RBFOX1: variants seen among roughly 807,000 people sequenced by gnomAD.
RBFOX1 encodes the protein RNA binding protein fox-1 homolog 1.
Under a neutral mutation model 57.7 loss-of-function variants are expected in RBFOX1, and 8 were observed. The observed-to-expected ratio is 0.14, with a 90% CI of 0.08 to 0.25. RBFOX1 has a LOEUF of 0.25. RBFOX1 is among the 10% of genes least tolerant of loss of function. RBFOX1 has a pLI of 1.00. For synonymous variants in RBFOX1, 326 were observed against 222.4 expected, an observed-to-expected ratio of 1.47 and a Z score of -4.15; for missense variants, 611 against 548.5, an observed-to-expected ratio of 1.11 and a Z score of -1.14.
At chr16:6,713,527 C>A (rs547454174) in intron 3 of RBFOX1, among the ~76,000 whole-genome samples, 1 of 152,036 alleles carries the variant, frequency 6.6e-6, no homozygotes, top group African/African-American at 2.4e-5. Flanking sequence ...CCACTAGATG[C>A]AAGTAAAACC....
chr16:5,465,295 T>A (rs2068918854), intron 1 of RBFOX1, among the ~76,000 whole-genome samples: 1 of 152,022 alleles, frequency 6.6e-6, no homozygotes, highest in South Asian at 2.1e-4. Context: ...CCTCTTTGTG[T>A]GTCCAAATTT....
At chr16:7,189,550 C>G (rs903031341) in intron 4 of RBFOX1, among the ~76,000 whole-genome samples, 3 of 141,366 alleles carry the variant, frequency 2.1e-5, no homozygotes, top group Non-Finnish European at 4.6e-5. Flanking sequence ...ACTATGTCCC[C>G]CAAAACACAC....
At chr16:6,339,912 C>G (rs949098560) in intron 2 of RBFOX1, among the ~76,000 whole-genome samples, 2 of 152,054 alleles carry the variant, frequency 1.3e-5, no homozygotes, top group African/African-American at 2.4e-5. Flanking sequence ...CTCCAGACCT[C>G]ATGATCCACC....
intron 1 of RBFOX1, among the ~76,000 whole-genome samples, chr16:5,263,270 A>G (rs551244978): frequency 6.6e-6 from 1 of 152,228 alleles, no homozygotes; most frequent in South Asian, 2.1e-4. Context: ...AAGATACTTA[A>G]CTGGTACAAA....
intron 3 of RBFOX1, among the ~76,000 whole-genome samples, chr16:7,024,610 C>G (rs981015150): frequency 1.3e-5 from 2 of 152,122 alleles, no homozygotes; most frequent in East Asian, 1.9e-4. Flanking sequence ...TGTGGGGTCG[C>G]CACTCCCCTG....
intron 3 of RBFOX1, among the ~76,000 whole-genome samples, chr16:6,865,838 C>T (rs1392708681): frequency 6.6e-6 from 1 of 152,150 alleles, no homozygotes; most frequent in Non-Finnish European, 1.5e-5. Context: ...CAATTAACTT[C>T]TCTCTTTTTT....
chr16:7,667,538 G>C (rs766602021), intron 13 of RBFOX1, among the ~76,000 whole-genome samples: 12 of 152,170 alleles, frequency 7.9e-5, no homozygotes, highest in Non-Finnish European at 1.8e-4. Context: ...AGTCATGTGA[G>C]CTTCTACTTT....
At chr16:6,556,367 C>A (rs937361170) in intron 2 of RBFOX1, among the ~76,000 whole-genome samples, 2 of 152,100 alleles carry the variant, frequency 1.3e-5, no homozygotes, top group Middle Eastern at 3.2e-3. Context: ...CAAACTGTGC[C>A]GGCTCTCCTT....
chr16:5,371,423 G>T (rs1276412194), intron 1 of RBFOX1, among the ~76,000 whole-genome samples: 1 of 152,176 alleles, frequency 6.6e-6, no homozygotes, highest in East Asian at 1.9e-4. Context: ...GCAAGTCCAG[G>T]AGAGGCCTCA....
At chr16:7,511,862 A>G (rs1285969052) in intron 4 of RBFOX1, among the ~76,000 whole-genome samples, 2 of 148,286 alleles carry the variant, frequency 1.3e-5, no homozygotes, top group African/African-American at 2.5e-5. Context: ...TGCAGCAGCA[A>G]TAGTGGGTCT....
chr16:6,307,371 G>T (rs979590557), intron 1 of RBFOX1, among the ~76,000 whole-genome samples: 3 of 149,226 alleles, frequency 2.0e-5, no homozygotes, highest in African/African-American at 7.7e-5. Context: ...GACAGAGAGA[G>T]ACTCATCTTA....
chr16:6,851,961 C>T (rs1308756079), intron 3 of RBFOX1, among the ~76,000 whole-genome samples: 4 of 145,082 alleles, frequency 2.8e-5, no homozygotes, highest in Non-Finnish European at 4.5e-5. Context: ...GATGGAGGTT[C>T]GTCGCCCAGG....
rs748893395 is a variant in RBFOX1, at chr16:6,691,523, G to A, written c.-16+36873G>A. On this transcript the variant is annotated intron_variant, in intron 3 of 15. Transcript: ENST00000550418. The stretch of plus-strand genomic sequence containing the variant: ...AAGTAAAATCATTCTGAGTAAATGC[G>A]TTTCGCAGGTTTCCCGTTATCACAT... 6.6e-5 allele frequency among the ~76,000 whole-genome samples: 10 copies of A among 152,070 alleles called. No homozygotes were observed. In the East Asian group the frequency reaches 1.4e-3, roughly 21 times the overall value.
At chr16:5,390,177 A>G (rs1419363529) in intron 1 of RBFOX1, among the ~76,000 whole-genome samples, 1 of 150,732 alleles carries the variant, frequency 6.6e-6, no homozygotes, top group East Asian at 1.9e-4. Flanking sequence ...ACAACTTTTA[A>G]TTTCACAATA....
rs75910579 is a variant in RBFOX1 at position 7,187,150 on chromosome 16, T to A, written c.27+135052T>A. Among the ~76,000 whole-genome samples the A allele has an allele frequency of 5.9e-3, 901 of 151,868 alleles. 10 individuals carry two copies. The highest frequency in any genetic ancestry group is 0.028 in the South Asian group (133 of 4,788). On this transcript the variant is annotated intron_variant, in intron 4 of 15. Transcript: ENST00000550418. ...TGCCACTGCACTCCAGCTTGGGCGATGGAGTGATACTCTGTCTCAAAAAAT... is the reference window on the plus strand; with the variant it reads ...TGCCACTGCACTCCAGCTTGGGCGAAGGAGTGATACTCTGTCTCAAAAAAT...
chr16:6,625,750 C>G (rs1222591319), intron 2 of RBFOX1, among the ~76,000 whole-genome samples: 1 of 152,050 alleles, frequency 6.6e-6, no homozygotes, highest in African/African-American at 2.4e-5. Context: ...ATCCAGTGAG[C>G]CTCATTACAT....
chr16:6,091,731 G>A (rs981658003), intron 1 of RBFOX1, among the ~76,000 whole-genome samples: 1 of 152,242 alleles, frequency 6.6e-6, no homozygotes, highest in Middle Eastern at 3.4e-3. Context: ...CTGGGAGACC[G>A]AGGCTGGGAG....
intron 4 of RBFOX1, among the ~76,000 whole-genome samples, chr16:7,306,580 C>CGTGTGTGTGTGTGT (rs58761346): frequency 1.0e-4 from 15 of 149,038 alleles, no homozygotes; most frequent in Admixed American, 6.7e-4. Flanking sequence ...GAATGGTGTG[C>CGTGTGTGTGTGTGT]GTGTGTGTGT....
At chr16:7,648,571 A>G (rs901998321) in intron 11 of RBFOX1, among the ~76,000 whole-genome samples, 1 of 152,198 alleles carries the variant, frequency 6.6e-6, no homozygotes, top group Admixed American at 6.5e-5. Context: ...AGGCACAGTC[A>G]TAAGTCAGAA....
Sources: gnomAD v4.1 joint callset for allele counts (sites outside exome capture counted in the v4.1 genomes callset) on GRCh38, gnomAD v4.1.1 for gene constraint, MANE v1.5 for transcripts, NCBI Gene and HGNC (gene_info 2026-07-23, HGNC 2026-07-21) for gene names.